Variants in HIPK2 observed in about 807,000 individuals in gnomAD.
HIPK2 encodes homeodomain-interacting protein kinase 2.
In HIPK2, 27 loss-of-function variants were observed where a neutral mutation model predicts 113.7. The ratio of observed to expected loss-of-function variants is 0.24; its 90% confidence interval spans 0.17 to 0.33. HIPK2 has a LOEUF of 0.33. HIPK2 is among the 10% of genes least tolerant of loss of function. The pLI, the probability that HIPK2 is intolerant of heterozygous loss-of-function variation, is 1.00. For missense variants in HIPK2, 1,257 were observed against 1,588.0 expected (o/e 0.79, Z 3.54); for synonymous variants, 631 against 642.2 (o/e 0.98, Z 0.26).
At chr7:139,729,596 A>G (rs959179778) in intron 1 of HIPK2, among the ~76,000 whole-genome samples, 11 of 152,070 alleles carry the variant, frequency 7.2e-5, no homozygotes, top group Admixed American at 3.3e-4. Context: ...CCTGCCATCC[A>G]CATTGTTCTG....
intron 2 of HIPK2, among the ~76,000 whole-genome samples, chr7:139,667,561 G>C (rs1802091934): frequency 6.6e-6 from 1 of 152,288 alleles, no homozygotes; most frequent in Non-Finnish European, 1.5e-5. Flanking sequence ...ATCTGGTGCT[G>C]AATCACTGCT....
At chr7:139,731,927 A>G (rs1273112699) in intron 1 of HIPK2, among the ~76,000 whole-genome samples, 1 of 152,196 alleles carries the variant, frequency 6.6e-6, no homozygotes, top group African/African-American at 2.4e-5. Context: ...CACTTCGGGA[A>G]AGGTACCACC....
chr7:139,693,126 C>G (rs182356932), intron 2 of HIPK2, among the ~76,000 whole-genome samples: 1 of 152,336 alleles, frequency 6.6e-6, no homozygotes, highest in Admixed American at 6.5e-5. Context: ...TCCAAAGGCT[C>G]TATCACTTAG....
In HIPK2 at chr7:139,636,242, C is replaced by T. The variant is rs182056136; in HGVS notation, c.1104-4517G>A. 1.5e-3 allele frequency among the ~76,000 whole-genome samples: 233 copies of T among 151,962 alleles called. 2 individuals are homozygous for T. Among genetic ancestry groups the T allele is most frequent in the African/African-American group, 5.5e-3 (227 of 41,452 alleles). ...TCGCTTGCTCCCCATATCTGTCCCG[C>T]CTCTCTGCTTGTGGCTTGCCCATTT... On this transcript the variant is annotated intron_variant, in intron 2 of 14. Transcript: ENST00000406875.
rs1217573469 is a variant in HIPK2 at position 139,683,363 on chromosome 7, G to A, written c.1103+32569C>T. Among the ~76,000 whole-genome samples, 1 of 152,176 alleles carries A rather than the reference G, an allele frequency of 6.6e-6. No homozygotes were observed. Among genetic ancestry groups the A allele is most frequent in the East Asian group, 1.9e-4 (1 of 5,190 alleles). On this transcript the variant is annotated intron_variant, in intron 2 of 14. Transcript: ENST00000406875. This position sits in a 1 kb window ranked among gnomAD's most constrained non-coding sequence, Gnocchi z 4.2. ...TTCAGCAGCGGCCTAGCCGGGTCTG[G>A]TGCAGGGTCCCTCATGAGGCTGCGA...
In HIPK2 at chr7:139,620,541, T is replaced by G; in HGVS notation, c.1642A>C (p.Met548Leu). ...STHVKSCFQN[M>L]EICKRRVNMY... ...TTCACCCGACGCTTGCAGATCTCCA[T>G]GTTCTGGAAACATGATTTGACGCTG... Residue 548 changes from methionine to leucine, a missense_variant, in exon 7 of 15, where the codon ATG becomes CTG. By Grantham distance (15) the Met-to-Leu change is conservative. Coordinates refer to ENST00000406875, the MANE Select transcript of HIPK2 (RefSeq NM_022740.5). 1 of 1,614,134 alleles carries G rather than the reference T, an allele frequency of 6.2e-7. No homozygotes were observed. The highest frequency in any genetic ancestry group is 8.5e-7 in the Non-Finnish European group (1 of 1,180,018).
intron 2 of HIPK2, among the ~76,000 whole-genome samples, chr7:139,659,585 G>A (rs1801797793): frequency 6.6e-6 from 1 of 152,194 alleles, no homozygotes; most frequent in Non-Finnish European, 1.5e-5. Context: ...TGTCACCTCT[G>A]CTGTTGCTAT....
intron 2 of HIPK2, among the ~76,000 whole-genome samples, chr7:139,634,416 T>A (rs1800734577): frequency 1.3e-5 from 2 of 152,102 alleles, no homozygotes; most frequent in African/African-American, 4.8e-5. Context: ...TCACTGGCAC[T>A]GATGAGCTGG....
chr7:139,600,269 T>C, intron 11 of HIPK2, 148 bp downstream of exon 11: 1 of 918,136 alleles, frequency 1.1e-6, no homozygotes, highest in Non-Finnish European at 1.6e-6. Flanking sequence ...GTACAGGATG[T>C]TTTGCTAGTC....
chr7:139,665,250 G>A (rs2116587280), intron 2 of HIPK2, among the ~76,000 whole-genome samples: 1 of 152,160 alleles, frequency 6.6e-6, no homozygotes, highest in South Asian at 2.1e-4. Flanking sequence ...TGTTGCCCAG[G>A]CTGGTATTGA....
rs1795258127 is a variant in HIPK2, at chr7:139,716,799, G to A, written c.236C>T (p.Pro79Leu). The A allele has an allele frequency of 6.2e-7, 1 of 1,613,904 alleles. No homozygotes were observed. The change falls in exon 2 of 15, where the codon CCT (proline) becomes CTT (leucine). Residue 79 changes from proline (P) to leucine (L), a missense_variant. Transcript: ENST00000406875. The surrounding 1 kb of genome is among the most constrained non-coding windows in gnomAD (Gnocchi z 9.3). Reference protein sequence around the residue: ...TSLPVPNPSLPYEQTIVFPGS... With the variant: ...TSLPVPNPSLLYEQTIVFPGS... ...TGGGAAGACGATGGTCTGCTCGTAA[G>A]GTAGGCTTGGGTTTGGGACCGGCAA...
At position 139,562,597 on chromosome 7, in the gene HIPK2, T is replaced by C. The variant is rs1249279211; in HGVS notation, c.*10330A>G. ...GGAAACTTCCAGTCACTCTGATTTG[T>C]TGCCCCCGTCACCCACTGATGCGCT... is the stretch of plus-strand genomic sequence containing the variant. On this transcript the variant is annotated 3_prime_UTR_variant, in exon 15 of 15. Transcript: ENST00000406875. 1 of 152,286 alleles carries C rather than the reference T, an allele frequency of 6.6e-6. No homozygotes were observed. The highest frequency in any genetic ancestry group is 2.4e-5 in the African/African-American group (1 of 41,468). The allele number at this position is 152,286 out of a possible 1,614,324, so 9.4% of individuals were successfully genotyped here. A position where few individuals can be genotyped will look rare whatever the true frequency, so the allele number is the denominator to read the frequency against.
chr7:139,681,771 A>G (rs1802708625), intron 2 of HIPK2, among the ~76,000 whole-genome samples: 1 of 152,162 alleles, frequency 6.6e-6, no homozygotes, highest in East Asian at 1.9e-4. Context: ...TGGACTTTCC[A>G]TGCACCAAGC....
At position 139,567,264 on chromosome 7, in the gene HIPK2, T is replaced by C. The variant is rs1007897411; in HGVS notation, c.*5663A>G. ...TGAACTCCTGGCAGCCCTGCTTTGC[T>C]CTCTCCCATGGTGGCCTGGGATTAG... On this transcript the variant is annotated 3_prime_UTR_variant, in exon 15 of 15. Transcript: ENST00000406875. 3 of 152,152 alleles carry C rather than the reference T, an allele frequency of 2.0e-5. No homozygotes were observed. The highest frequency in any genetic ancestry group is 4.4e-5 in the Non-Finnish European group (3 of 68,040). The allele number at this position is 152,152 out of a possible 1,614,324, so 9.4% of individuals were successfully genotyped here. A position where few individuals can be genotyped will look rare whatever the true frequency, so the allele number is the denominator to read the frequency against.
chr7:139,706,575 A>C (rs1794905716), intron 2 of HIPK2, among the ~76,000 whole-genome samples: 1 of 152,170 alleles, frequency 6.6e-6, no homozygotes, highest in Admixed American at 6.5e-5. Flanking sequence ...CATGGGACAG[A>C]GTAACTGAGC....
At chr7:139,729,285 A>G (rs955687155) in intron 1 of HIPK2, among the ~76,000 whole-genome samples, 4 of 148,032 alleles carry the variant, frequency 2.7e-5, no homozygotes, top group Non-Finnish European at 5.9e-5. Flanking sequence ...TGATTGCAAC[A>G]CTGCATTCCA....
rs1357565259 is a variant in HIPK2, at chr7:139,600,435, T to C, written c.2417A>G (p.Gln806Arg). The part of the protein sequence containing the change: ...TSTTSSRKSK[Q>R]HQSSVRNVST... ...CACCTACCTCACAGATGACTGGTGC[T>C]GCTTACTCTTCCGGGAGGAGGTGGT... Residue 806 changes from glutamine (Q) to arginine (R), a missense_variant, in exon 11 of 15, where the codon CAG (glutamine) becomes CGG (arginine). Coordinates refer to ENST00000406875, the MANE Select transcript of HIPK2 (RefSeq NM_022740.5). The C allele has an allele frequency of 1.9e-6, 3 of 1,613,438 alleles. No individual in the cohort carries two copies. The highest frequency in any genetic ancestry group is 3.3e-5 in the Admixed American group (2 of 60,008).
At chr7:139,740,251 A>G (rs1309198127) in intron 1 of HIPK2, among the ~76,000 whole-genome samples, 1 of 152,190 alleles carries the variant, frequency 6.6e-6, no homozygotes, top group Non-Finnish European at 1.5e-5. Context: ...AGCAGGAGTC[A>G]GGGTTTGTTT....
chr7:139,686,291 G>A (rs1794215619), intron 2 of HIPK2, among the ~76,000 whole-genome samples: 2 of 152,220 alleles, frequency 1.3e-5, no homozygotes. Flanking sequence ...AAATGGATGA[G>A]GAGTTGCTTC....
Sources: allele counts gnomAD v4.1 joint callset (sites outside exome capture counted in the v4.1 genomes callset), GRCh38; gene constraint gnomAD v4.1.1; non-coding constraint Gnocchi (gnomAD v3.1); transcripts MANE v1.5; gene names NCBI Gene and HGNC (gene_info 2026-07-23, HGNC 2026-07-21).